Variants in RANBP17 observed in about 807,000 individuals in gnomAD.
RANBP17 encodes RAN binding protein 17.
A neutral mutation model predicts 141.2 loss-of-function variants in RANBP17; 158 were observed. That is an observed-to-expected ratio of 1.12 (90% CI 0.98 to 1.28). The LOEUF is 1.28. RANBP17 is among the 50% of genes most tolerant of loss of function. RANBP17 has a pLI of 0.00. For missense variants in RANBP17, 1,438 were observed against 1,290.7 expected (o/e 1.11, Z -1.75); for synonymous variants, 430 against 450.0 (o/e 0.96, Z 0.56).
rs1217047741 is a variant in RANBP17 at position 171,097,385 on chromosome 5, CCA to C, written c.1711-72744_1711-72743del. On this transcript the variant is annotated intron_variant, in intron 14 of 27. Coordinates refer to ENST00000523189, the MANE Select transcript of RANBP17 (RefSeq NM_022897.5). The stretch of plus-strand genomic sequence containing the variant: ...TTAATCTTCAGAAAGGGCTGTTAGA[CCA>C]TAAGCTCCTTGGAGCACAGCTTTGG... Among the ~76,000 whole-genome samples the C allele has an allele frequency of 1.1e-4, 17 of 151,938 alleles. 1 individual carries two copies. The highest frequency in any genetic ancestry group is 1.1e-3 in the Admixed American group (17 of 15,254).
intron 11 of RANBP17, among the ~76,000 whole-genome samples, chr5:170,923,581 G>A (rs1480942570): frequency 6.6e-6 from 1 of 152,170 alleles, no homozygotes; most frequent in African/African-American, 2.4e-5. Flanking sequence ...TTAACTTGGG[G>A]AAAGAATTGA....
intron 12 of RANBP17, among the ~76,000 whole-genome samples, chr5:170,933,432 T>C (rs1390152684): frequency 3.9e-5 from 6 of 152,224 alleles, no homozygotes; most frequent in Non-Finnish European, 8.8e-5. Context: ...GCTCTGATCT[T>C]AGTTATTTCT....
chr5:171,062,682 A>G (rs1321938968), intron 14 of RANBP17, among the ~76,000 whole-genome samples: 9 of 151,920 alleles, frequency 5.9e-5, no homozygotes, highest in Non-Finnish European at 1.3e-4. Context: ...CGTTCTCTGT[A>G]TTTCCTGAAT....
intron 14 of RANBP17, among the ~76,000 whole-genome samples, chr5:170,998,902 A>G (rs752906476): frequency 1.2e-4 from 18 of 152,038 alleles, no homozygotes; most frequent in Non-Finnish European, 2.2e-4. Flanking sequence ...AGATGATCAC[A>G]TTTTAGGATA....
chr5:171,136,392 C>T (rs1188831875), intron 14 of RANBP17, among the ~76,000 whole-genome samples: 2 of 151,922 alleles, frequency 1.3e-5, no homozygotes, highest in Non-Finnish European at 1.5e-5. Flanking sequence ...TCATTTTACT[C>T]GGATTTTCTC....
intron 22 of RANBP17, among the ~76,000 whole-genome samples, chr5:171,227,232 G>A (rs1763935131): frequency 6.6e-6 from 1 of 152,236 alleles, no homozygotes; most frequent in Non-Finnish European, 1.5e-5. Flanking sequence ...AAACAGCCAA[G>A]TGGTGAATGC....
chr5:170,885,667 G>A (rs1341499500), intron 3 of RANBP17, among the ~76,000 whole-genome samples: 1 of 152,074 alleles, frequency 6.6e-6, no homozygotes, highest in East Asian at 1.9e-4. Context: ...TGAATTTATT[G>A]CACTGATCCT....
rs778253214 is a variant in RANBP17, at chr5:170,892,486, G to A, written c.356G>A (p.Trp119Ter). 4 of 1,613,830 alleles carry A rather than the reference G, an allele frequency of 2.5e-6. No homozygotes were observed. In the East Asian group the frequency reaches 8.9e-5, roughly 36 times the overall value. ...ATTGCTAAAATCACTAAGTTGGGGT[G>A]GTTTGAGGTTCAGAAAGACCAATTT... Reference protein sequence around the residue: ...QVIAKITKLGWFEVQKDQFVF... With the variant: ...QVIAKITKLG Residue 119 changes from tryptophan to a stop codon, truncating the protein, a stop_gained, in exon 4 of 28, where the codon TGG becomes TAG. Coordinates refer to ENST00000523189, the MANE Select transcript of RANBP17 (RefSeq NM_022897.5). LOFTEE classifies it high-confidence loss of function.
At chr5:171,080,754 C>T (rs1353019062) in intron 14 of RANBP17, among the ~76,000 whole-genome samples, 2 of 152,148 alleles carry the variant, frequency 1.3e-5, no homozygotes, top group South Asian at 4.1e-4. Context: ...TTTCCATGCA[C>T]ACAATGAATC....
At chr5:171,099,553 GAT>G (rs1219718356) in intron 14 of RANBP17, among the ~76,000 whole-genome samples, 1 of 152,134 alleles carries the variant, frequency 6.6e-6, no homozygotes, top group South Asian at 2.1e-4. Context: ...TGCAAACAAA[GAT>G]AATTTAACTT....
rs531489715 is a variant in RANBP17 at position 171,146,041 on chromosome 5, T to G, written c.1711-24089T>G. On this transcript the variant is annotated intron_variant, in intron 14 of 27. Coordinates refer to ENST00000523189, the MANE Select transcript of RANBP17 (RefSeq NM_022897.5). ...TATTCCTTGCAACAATCCCATAAAA[T>G]TCTACTTCTAACATTGGTAAGGAAA... 3.3e-5 allele frequency among the ~76,000 whole-genome samples: 5 copies of G among 152,326 alleles called. No individual in the cohort carries two copies. In the East Asian group the frequency reaches 9.6e-4, roughly 29 times the overall value.
chr5:171,048,924 A>G (rs1782771269), intron 14 of RANBP17, among the ~76,000 whole-genome samples: 1 of 152,096 alleles, frequency 6.6e-6, no homozygotes, highest in African/African-American at 2.4e-5. Context: ...TACTGTGAAT[A>G]TTGCTGCAGT....
chr5:171,076,672 A>G (rs1784944688), intron 14 of RANBP17, among the ~76,000 whole-genome samples: 1 of 152,224 alleles, frequency 6.6e-6, no homozygotes, highest in Non-Finnish European at 1.5e-5. Context: ...CAACTTGAAG[A>G]GACTTCCAAA....
At chr5:171,241,265 T>C (rs1251727730) in intron 23 of RANBP17, 123 bp downstream of exon 23, 1 of 683,598 alleles carries the variant, frequency 1.5e-6, no homozygotes, top group East Asian at 2.7e-5. Flanking sequence ...TAAGACAGCA[T>C]ACTTGATCTA....
At chr5:170,954,814 A>G (rs1186248656) in intron 13 of RANBP17, among the ~76,000 whole-genome samples, 3 of 152,192 alleles carry the variant, frequency 2.0e-5, no homozygotes, top group Non-Finnish European at 4.4e-5. Context: ...AAGACTTTCA[A>G]TACTCAATAC....
At chr5:170,955,645 A>ATT (rs1775614090) in intron 13 of RANBP17, among the ~76,000 whole-genome samples, 1 of 34,134 alleles carries the variant, frequency 2.9e-5, no homozygotes. Flanking sequence ...ATATATGCTC[A>ATT]GTGTATATAT....
intron 24 of RANBP17, chr5:171,252,344 G>A (rs1765628024): frequency 3.9e-6 from 6 of 1,539,636 alleles, no homozygotes; most frequent in Non-Finnish European, 3.6e-6. Context: ...ATTTTTCAGG[G>A]AACATTAACT....
chr5:171,221,738 T>G lies in RANBP17; in HGVS notation c.2340-20T>G. On this transcript the variant is annotated intron_variant, in intron 21 of 27. Transcript: ENST00000523189. ...TTTCTTTATCTTCACATATAGGCAA[T>G]TTTTTTCTATATTTCTTAGATCCCA... is the stretch of plus-strand genomic sequence containing the variant. 6.6e-7 allele frequency: 1 copy of G among 1,516,080 alleles called. No homozygotes were observed. The highest frequency in any genetic ancestry group is 1.1e-5 in the South Asian group (1 of 87,778). The allele number at this position is 1,516,080 out of a possible 1,614,324, so 93.9% of individuals were successfully genotyped here.
At chr5:170,977,377 A>G (rs1777457463) in intron 14 of RANBP17, among the ~76,000 whole-genome samples, 1 of 152,112 alleles carries the variant, frequency 6.6e-6, no homozygotes, top group South Asian at 2.1e-4. Context: ...AGAAATAGGA[A>G]TCTTCATACA....
Sources: gnomAD v4.1 joint callset for allele counts (sites outside exome capture counted in the v4.1 genomes callset) on GRCh38, gnomAD v4.1.1 for gene constraint, MANE v1.5 for transcripts, NCBI Gene and HGNC (gene_info 2026-07-23, HGNC 2026-07-21) for gene names.